The following ROBO1 variants were observed in gnomAD, a reference collection of about 807,000 sequenced individuals.
ROBO1 encodes roundabout guidance receptor 1, also known as roundabout homolog 1.
ROBO1 carries 149 observed loss-of-function variants against 195.9 expected under a neutral mutation model. The observed-to-expected ratio is 0.76, with a 90% CI of 0.67 to 0.87. The LOEUF is 0.87. Ranked by LOEUF, ROBO1 falls within the 40% of genes least tolerant of loss-of-function variation. The pLI, the probability that ROBO1 is intolerant of heterozygous loss-of-function variation, is 0.00. For missense variants in ROBO1, 1,933 were observed against 2,068.3 expected (o/e 0.93, Z 1.27); for synonymous variants, 816 against 733.2 (o/e 1.11, Z -1.82).
intron 4 of ROBO1, among the ~76,000 whole-genome samples, chr3:78,853,634 G>C (rs1576292909): frequency 1.3e-5 from 2 of 151,936 alleles, no homozygotes; most frequent in Admixed American, 6.6e-5. Context: ...CTTTGAGTAA[G>C]GCAAATTACC....
At chr3:78,901,854 T>C (rs1576370536) in intron 4 of ROBO1, among the ~76,000 whole-genome samples, 1 of 152,354 alleles carries the variant, frequency 6.6e-6, no homozygotes, top group African/African-American at 2.4e-5. Flanking sequence ...CTTTTTCCAT[T>C]GTTTTCTTTC....
At chr3:78,967,892 T>TTA (rs1169110488) in intron 3 of ROBO1, among the ~76,000 whole-genome samples, 78 of 152,182 alleles carry the variant, frequency 5.1e-4, no homozygotes, top group Non-Finnish European at 8.1e-4. Context: ...ACTGGCTATA[T>TTA]AGTTAAGGTC....
At chr3:79,453,192 G>A (rs1004040739) in intron 2 of ROBO1, among the ~76,000 whole-genome samples, 11 of 152,076 alleles carry the variant, frequency 7.2e-5, no homozygotes, top group Admixed American at 2.6e-4. Context: ...GAGGCTGCAT[G>A]GTGCTCTGAG....
chr3:78,963,494 GTTTTTT>G (rs750158094), intron 3 of ROBO1, among the ~76,000 whole-genome samples: 13 of 72,304 alleles, frequency 1.8e-4, no homozygotes, highest in Non-Finnish European at 2.5e-4. Flanking sequence ...AAAACCTTCA[GTTTTTT>G]TTTTTTTTTT....
intron 4 of ROBO1, among the ~76,000 whole-genome samples, chr3:78,763,874 T>A (rs1320740263): frequency 6.6e-6 from 1 of 152,186 alleles, no homozygotes; most frequent in Non-Finnish European, 1.5e-5. Flanking sequence ...TACCGGAATT[T>A]AAAGCCTACA....
At chr3:78,770,974 A>G (rs2083358819) in intron 4 of ROBO1, among the ~76,000 whole-genome samples, 1 of 152,010 alleles carries the variant, frequency 6.6e-6, no homozygotes, top group Admixed American at 6.6e-5. Context: ...TGCTGAGGTG[A>G]GAGAGTCACT....
At chr3:79,229,781 T>G (rs932359120) in intron 2 of ROBO1, among the ~76,000 whole-genome samples, 1 of 152,122 alleles carries the variant, frequency 6.6e-6, no homozygotes, top group Admixed American at 6.5e-5. Context: ...TTAAAGGCAA[T>G]TTTTAGCTTC....
At chr3:78,975,062 C>T (rs556067116) in intron 3 of ROBO1, among the ~76,000 whole-genome samples, 189 of 152,090 alleles carry the variant, frequency 1.2e-3, no homozygotes, top group African/African-American at 4.1e-3. Flanking sequence ...GAGTTTGGGG[C>T]CCTTCTAATG....
intron 4 of ROBO1, among the ~76,000 whole-genome samples, chr3:78,791,852 T>C (rs966407803): frequency 1.3e-5 from 2 of 152,246 alleles, no homozygotes; most frequent in African/African-American, 4.8e-5. Context: ...CAGTGTTCTC[T>C]TGTGGCTGCT....
chr3:79,598,784 C>G (rs530658562), intron 1 of ROBO1, among the ~76,000 whole-genome samples: 60 of 152,132 alleles, frequency 3.9e-4, no homozygotes, highest in African/African-American at 1.4e-3. Flanking sequence ...AAAGAACCTC[C>G]CCCTGGCAGG....
chr3:79,017,413 T>C (rs2077972321), intron 3 of ROBO1, among the ~76,000 whole-genome samples: 1 of 151,672 alleles, frequency 6.6e-6, no homozygotes, highest in Non-Finnish European at 1.5e-5. Context: ...AATTTGAAGC[T>C]CAGTATGCGA....
At chr3:79,531,507 C>T (rs1025319651) in intron 2 of ROBO1, among the ~76,000 whole-genome samples, 5 of 152,026 alleles carry the variant, frequency 3.3e-5, no homozygotes, top group African/African-American at 9.7e-5. Context: ...CCTGTAATCC[C>T]AGCTACTCGG....
At chr3:79,223,847 CA>C (rs2082182849) in intron 2 of ROBO1, among the ~76,000 whole-genome samples, 1 of 152,080 alleles carries the variant, frequency 6.6e-6, no homozygotes, top group Non-Finnish European at 1.5e-5. Context: ...GACTCTAAAA[CA>C]ATAGAAAATA....
rs186485972 is a variant in ROBO1, at chr3:78,712,495, A to G, written c.1045+1902T>C. Among the ~76,000 whole-genome samples, 506 of 152,180 alleles carry G rather than the reference A, an allele frequency of 3.3e-3. 2 individuals are homozygous for G. The highest frequency in any genetic ancestry group is 0.027 in the Middle Eastern group (8 of 294). ...TGTTTTTTTCTTATTTATCTTTTGCAGTTGGGAATCATGTTACTTTCTTTA... is the reference window on the plus strand; with the variant it reads ...TGTTTTTTTCTTATTTATCTTTTGCGGTTGGGAATCATGTTACTTTCTTTA... On this transcript the variant is annotated intron_variant, in intron 8 of 30. Coordinates refer to ENST00000464233, the MANE Select transcript of ROBO1 (RefSeq NM_002941.4).
intron 2 of ROBO1, among the ~76,000 whole-genome samples, chr3:79,536,427 A>T: frequency 6.8e-6 from 1 of 147,702 alleles, no homozygotes; most frequent in African/African-American, 2.5e-5. Flanking sequence ...GCTTTCTGTC[A>T]ATAGATTGAT....
chr3:79,601,175 G>T (rs7621349), intron 1 of ROBO1, among the ~76,000 whole-genome samples: 87,075 of 151,728 alleles, frequency 0.57, 26,816 homozygotes, highest in East Asian at 0.71. Flanking sequence ...AACCAAAAGG[G>T]TTCAGGACTG....
In ROBO1 at chr3:78,597,415, A is replaced by AATT. The variant is rs1334352646; in HGVS notation, c.*1495_*1497dup. On this transcript the variant is annotated 3_prime_UTR_variant, in exon 31 of 31. Transcript: ENST00000464233. ...ACGCCTTTTCTATGGAACTTTTTCAAATTATCTAAATGAACAAGTTTGGTT... is the reference window on the plus strand; with the variant it reads ...ACGCCTTTTCTATGGAACTTTTTCAAATTATTATCTAAATGAACAAGTTTGGTT... 6.6e-6 allele frequency: 1 copy of AATT among 152,552 alleles called. No homozygotes were observed. Among genetic ancestry groups the AATT allele is most frequent in the Admixed American group, 6.5e-5 (1 of 15,272 alleles). The allele number at this position is 152,552 out of a possible 1,614,324, so 9.4% of individuals were successfully genotyped here. A position where few individuals can be genotyped will look rare whatever the true frequency, so the allele number is the denominator to read the frequency against.
chr3:79,736,497 C>T (rs991307356), intron 1 of ROBO1, among the ~76,000 whole-genome samples: 1 of 151,988 alleles, frequency 6.6e-6, no homozygotes, highest in East Asian at 1.9e-4. Context: ...AGTAACAAGG[C>T]CAATTATGAG....
chr3:79,758,122 C>T (rs927234812), intron 1 of ROBO1, among the ~76,000 whole-genome samples: 4 of 152,074 alleles, frequency 2.6e-5, no homozygotes, highest in Non-Finnish European at 5.9e-5. Flanking sequence ...ATTACCATGC[C>T]CTGTAAAACT....
Sources: gnomAD v4.1 joint callset for allele counts (sites outside exome capture counted in the v4.1 genomes callset) on GRCh38, gnomAD v4.1.1 for gene constraint, MANE v1.5 for transcripts, NCBI Gene and HGNC (gene_info 2026-07-23, HGNC 2026-07-21) for gene names.